COL26A1: variants seen among roughly 807,000 people sequenced by gnomAD.
The protein encoded by COL26A1 is collagen type XXVI alpha 1 chain.
COL26A1 carries 41 observed loss-of-function variants against 59.3 expected under a neutral mutation model. The ratio of observed to expected loss-of-function variants is 0.69; its 90% CI spans 0.54 to 0.90. COL26A1 has a LOEUF of 0.90. Among genes scored for constraint, COL26A1 ranks in the 40% least tolerant of loss-of-function variants. The pLI is 0.00. For missense variants in COL26A1, 612 were observed against 602.3 expected (o/e 1.02, Z -0.17); for synonymous variants, 266 against 256.0 (o/e 1.04, Z -0.37).
intron 3 of COL26A1, among the ~76,000 whole-genome samples, chr7:101,513,037 C>T (rs1391056533): frequency 2.0e-5 from 3 of 151,536 alleles, no homozygotes; most frequent in South Asian, 2.1e-4. Context: ...GATGAAGTCT[C>T]GCTCTGTCGC....
At chr7:101,410,355 G>C (rs1562966558) in intron 1 of COL26A1, among the ~76,000 whole-genome samples, 1 of 152,180 alleles carries the variant, frequency 6.6e-6, no homozygotes, top group Non-Finnish European at 1.5e-5. Flanking sequence ...GTGGGTTCTT[G>C]TTTTACCGTA....
intron 3 of COL26A1, among the ~76,000 whole-genome samples, chr7:101,475,118 C>A (rs1562999640): frequency 6.6e-6 from 1 of 152,066 alleles, no homozygotes; most frequent in Admixed American, 6.6e-5. Context: ...ATGGCTTGAA[C>A]CTGGGAGGCA....
intron 11 of COL26A1, 115 bp downstream of exon 11, chr7:101,553,491 C>A: frequency 2.0e-6 from 2 of 1,016,732 alleles, no homozygotes; most frequent in Non-Finnish European, 2.9e-6. Flanking sequence ...GAGCTGGGTG[C>A]TGGGCCACCG....
intron 3 of COL26A1, among the ~76,000 whole-genome samples, chr7:101,449,952 C>T (rs944675866): frequency 3.9e-5 from 6 of 151,914 alleles, no homozygotes; most frequent in Admixed American, 3.9e-4. Context: ...GATCAAACCC[C>T]AACTCTACTA....
chr7:101,387,775 TATA>T (rs1271587599), intron 1 of COL26A1, among the ~76,000 whole-genome samples: 3 of 46,188 alleles, frequency 6.5e-5, no homozygotes, highest in Non-Finnish European at 9.7e-5. Context: ...TATATATATA[TATA>T]TTTTTTTTTA....
chr7:101,534,660 C>T (rs964265412), intron 4 of COL26A1, among the ~76,000 whole-genome samples: 28 of 147,262 alleles, frequency 1.9e-4, no homozygotes, highest in South Asian at 6.3e-4. Context: ...CATATACACA[C>T]ACACACACAC....
chr7:101,459,367 C>T (rs1378411486), intron 3 of COL26A1, among the ~76,000 whole-genome samples: 2 of 152,188 alleles, frequency 1.3e-5, no homozygotes, highest in East Asian at 1.9e-4. Flanking sequence ...GGCACGATCT[C>T]GTGCTCACTA....
intron 11 of COL26A1, among the ~76,000 whole-genome samples, chr7:101,554,746 A>G (rs1349630485): frequency 6.6e-6 from 1 of 151,956 alleles, no homozygotes; most frequent in African/African-American, 2.4e-5. Flanking sequence ...CTTGTCTCTA[A>G]AACCTAAAAA....
chr7:101,387,647 TTATATA>T (rs1212311235), intron 1 of COL26A1, among the ~76,000 whole-genome samples: 23 of 135,324 alleles, frequency 1.7e-4, no homozygotes, highest in African/African-American at 6.6e-4. Context: ...CTCTCTCTCT[TTATATA>T]TATATAAATA....
intron 1 of COL26A1, among the ~76,000 whole-genome samples, chr7:101,371,661 G>T (rs1447394334): frequency 6.6e-6 from 1 of 152,068 alleles, no homozygotes; most frequent in Non-Finnish European, 1.5e-5. Context: ...GCATGGTGGT[G>T]CACACTTGTA....
At chr7:101,520,662 A>ACACACACACACACACACACCC (rs915256077) in intron 3 of COL26A1, among the ~76,000 whole-genome samples, 9 of 143,236 alleles carry the variant, frequency 6.3e-5, no homozygotes, top group African/African-American at 2.3e-4. Flanking sequence ...ACACACACAC[A>ACACACACACACACACACACCC]CCCCCGTGTT....
chr7:101,522,723 T>C lies in COL26A1; in HGVS notation c.386-10359T>C, dbSNP rs866300852. ...GCTTATATTCAGCCTTATTAGAGACTGCCAAAGGGGTTTTAAAAGTGGTTG... is the reference window on the plus strand; with the variant it reads ...GCTTATATTCAGCCTTATTAGAGACCGCCAAAGGGGTTTTAAAAGTGGTTG... On this transcript the variant is annotated intron_variant, in intron 3 of 12. Transcript: ENST00000313669. Among the ~76,000 whole-genome samples, 8 of 152,096 alleles carry C rather than the reference T, an allele frequency of 5.3e-5. No individual in the cohort carries two copies. The South Asian group carries it at 1.0e-3, about 20-fold the overall frequency.
At chr7:101,479,821 A>G (rs1794119095) in intron 3 of COL26A1, among the ~76,000 whole-genome samples, 1 of 152,200 alleles carries the variant, frequency 6.6e-6, no homozygotes, top group African/African-American at 2.4e-5. Context: ...TTGGGAGTAC[A>G]TGTGATATTT....
chr7:101,384,355 G>T (rs1280511293), intron 1 of COL26A1, among the ~76,000 whole-genome samples: 1 of 150,702 alleles, frequency 6.6e-6, no homozygotes, highest in African/African-American at 2.4e-5. Flanking sequence ...TCCTGCCTCA[G>T]CCTCCCGAGT....
chr7:101,530,566 TAA>T lies in COL26A1; in HGVS notation c.386-2492_386-2491del, dbSNP rs558473831. ...GGTGACAAGAGTGAGACTCTGTCTT[TAA>T]AAAAAAAAAAAAAAAAAAAAAAAGC... On this transcript the variant is annotated intron_variant, in intron 3 of 12. Transcript: ENST00000313669. Among the ~76,000 whole-genome samples the T allele has an allele frequency of 8.5e-3, 766 of 90,208 alleles. 7 individuals carry two copies. The highest frequency in any genetic ancestry group is 0.034 in the African/African-American group (710 of 20,948). The allele number at this position is 90,208 out of a possible 152,430, so 59.2% of individuals were successfully genotyped here. A position where few individuals can be genotyped will look rare whatever the true frequency, so the allele number is the denominator to read the frequency against.
intron 2 of COL26A1, among the ~76,000 whole-genome samples, chr7:101,444,406 CTTCCT>C (rs1299481805): frequency 7.1e-6 from 1 of 141,458 alleles, no homozygotes; most frequent in Non-Finnish European, 1.5e-5. Context: ...CCTTTCCTTC[CTTCCT>C]TTCTTCTTTT....
At chr7:101,390,134 G>T (rs1360924482) in intron 1 of COL26A1, among the ~76,000 whole-genome samples, 3 of 130,704 alleles carry the variant, frequency 2.3e-5, no homozygotes, top group Non-Finnish European at 4.9e-5. Flanking sequence ...GACCTTTTAG[G>T]TCTCATGTTA....
At chr7:101,505,058 G>C (rs1250132747) in intron 3 of COL26A1, among the ~76,000 whole-genome samples, 1 of 152,190 alleles carries the variant, frequency 6.6e-6, no homozygotes, top group Non-Finnish European at 1.5e-5. Flanking sequence ...CAGAGGCTGA[G>C]GGAGGAGGAT....
chr7:101,443,302 C>T (rs996393834), intron 2 of COL26A1, among the ~76,000 whole-genome samples: 2 of 152,210 alleles, frequency 1.3e-5, no homozygotes, highest in African/African-American at 4.8e-5. Flanking sequence ...CACACAACCA[C>T]GCTACCCCCA....
Sources: gnomAD v4.1 joint callset for allele counts (sites outside exome capture counted in the v4.1 genomes callset) on GRCh38, gnomAD v4.1.1 for gene constraint, MANE v1.5 for transcripts, NCBI Gene and HGNC (gene_info 2026-07-23, HGNC 2026-07-21) for gene names.